The following FRYL variants were observed in gnomAD, a reference collection of about 807,000 sequenced individuals.
The protein encoded by FRYL is FRY like transcription coactivator, also known as protein furry homolog-like.
In FRYL, 150 loss-of-function variants were observed where a neutral mutation model predicts 351.2. The ratio of observed to expected loss-of-function variants is 0.43; its 90% CI spans 0.37 to 0.49. The LOEUF (loss-of-function observed/expected upper bound fraction) is 0.49. Ranked by LOEUF, FRYL falls within the 20% of genes least tolerant of loss-of-function variation. The probability of loss-of-function intolerance (pLI) is 0.00; values close to 1 mark genes in which losing one functional copy is unlikely to be tolerated. For missense variants in FRYL, 3,036 were observed against 3,619.3 expected (o/e 0.84, Z 4.13); for synonymous variants, 1,153 against 1,257.1 (o/e 0.92, Z 1.75).
Position 48,550,643 on chromosome 4 carries a change from G to C in FRYL, c.4582C>G (p.Leu1528Val). Residue 1528 changes from leucine to valine, a missense_variant, in exon 38 of 64, where the codon CTA (leucine) becomes GTA (valine). By Grantham distance (32) the Leu-to-Val change is conservative. Transcript: ENST00000358350. Reference protein sequence around the residue: ...NSHLNRQHHRLESRYSSSSGG... With the variant: ...NSHLNRQHHRVESRYSSSSGG... ...GAGCTGCTACTGTATCGGGATTCTAGTCTGTGATGTTGCCGATTCAAATGA... is the reference window on the plus strand; with the variant it reads ...GAGCTGCTACTGTATCGGGATTCTACTCTGTGATGTTGCCGATTCAAATGA... The C allele has an allele frequency of 1.2e-6, 2 of 1,613,956 alleles. No homozygotes were observed. The highest frequency in any genetic ancestry group is 1.7e-6 in the Non-Finnish European group (2 of 1,179,896).
At chr4:48,696,845 G>GACCTATCT (rs1553981641) in intron 2 of FRYL, among the ~76,000 whole-genome samples, 1 of 144,542 alleles carries the variant, frequency 6.9e-6, no homozygotes, top group African/African-American at 2.5e-5. Context: ...AACGATAAGA[G>GACCTATCT]ATCTATCTAT....
chr4:48,549,830 T>G lies in FRYL; in HGVS notation c.4634-207A>C, dbSNP rs1160288252. On this transcript the variant is annotated intron_variant, in intron 38 of 63. Transcript: ENST00000358350. The surrounding 1 kb of genome is among the most constrained non-coding windows in gnomAD (Gnocchi z 4.2). ...GAGGGAGAGAGAGAAAGAGATTAAT[T>G]TAGGTTCCACCCTGTACGTCAAAGC... is the stretch of plus-strand genomic sequence containing the variant. Among the ~76,000 whole-genome samples the G allele has an allele frequency of 2.6e-5, 4 of 152,142 alleles. No individual in the cohort carries two copies. The highest frequency in any genetic ancestry group is 9.7e-5 in the African/African-American group (4 of 41,428).
intron 1 of FRYL, among the ~76,000 whole-genome samples, chr4:48,747,801 C>T (rs547563880): frequency 6.6e-6 from 1 of 152,246 alleles, no homozygotes; most frequent in African/African-American, 2.4e-5. Flanking sequence ...AAAGAAATGG[C>T]CACAATCTCA....
At chr4:48,743,342 G>A (rs1772325328) in intron 1 of FRYL, among the ~76,000 whole-genome samples, 1 of 152,000 alleles carries the variant, frequency 6.6e-6, no homozygotes, top group Non-Finnish European at 1.5e-5. Flanking sequence ...TAAGTTCAAA[G>A]AGGCTTAGAG....
At chr4:48,646,969 G>A (rs1247801606) in intron 3 of FRYL, among the ~76,000 whole-genome samples, 4 of 152,248 alleles carry the variant, frequency 2.6e-5, no homozygotes, top group African/African-American at 9.6e-5. Flanking sequence ...TAGACACACG[G>A]CTAGGGAGGT....
rs746979405 is a variant in FRYL, at chr4:48,535,787, G to C, written c.6434C>G (p.Ala2145Gly). Residue 2145 changes from alanine (A) to glycine (G), a missense_variant, in exon 48 of 64, where the codon GCA (alanine) becomes GGA (glycine). Physicochemically the swap from Ala to Gly is moderately conservative, Grantham distance 60. This residue lies in a region of FRYL where 1,987 missense variants were observed against 2,311.7 expected (regional missense o/e 0.86). Transcript: ENST00000358350. ...EEKCPTLVNL[A>G]HMMSLYSTHT... ...TGTACTGTACAAACTCATCATGTGTGCCAGATTGACAAGTGTTGGGCATTT... is the reference window on the plus strand; with the variant it reads ...TGTACTGTACAAACTCATCATGTGTCCCAGATTGACAAGTGTTGGGCATTT... 4.6e-5 allele frequency: 72 copies of C among 1,568,104 alleles called. No individual in the cohort carries two copies. The highest frequency in any genetic ancestry group is 6.2e-5 in the Non-Finnish European group (72 of 1,153,930).
chr4:48,564,017 C>T lies in FRYL; in HGVS notation c.3527G>A (p.Arg1176His), dbSNP rs752178679. Residue 1176 changes from arginine to histidine, a missense_variant, in exon 31 of 64, where the codon CGC (arginine) becomes CAC (histidine). Physicochemically the swap from Arg to His is conservative, Grantham distance 29. Around this residue, in one of 7 missense-constraint regions of FRYL, gnomAD observed 1,987 missense variants for 2,311.7 expected, o/e 0.86. Coordinates refer to ENST00000358350, the MANE Select transcript of FRYL (RefSeq NM_015030.2). Reference protein sequence around the residue: ...QSNLMYWAVDRCYTGSGRVAA... With the variant: ...QSNLMYWAVDHCYTGSGRVAA... Reference sequence around the variant, plus strand: ...CACCCTCCCGGAGCCCGTGTAGCAGCGGTCCACAGCCCAGTACATCAGGTT... The same window carrying T: ...CACCCTCCCGGAGCCCGTGTAGCAGTGGTCCACAGCCCAGTACATCAGGTT... The T allele has an allele frequency of 1.1e-5, 18 of 1,614,064 alleles. No homozygotes were observed. Among genetic ancestry groups the T allele is most frequent in the East Asian group, 2.2e-5 (1 of 44,898 alleles).
chr4:48,547,877 G>T (rs1731707670), intron 40 of FRYL, 108 bp from the exon 41 acceptor site: 1 of 714,972 alleles, frequency 1.4e-6, no homozygotes. Context: ...AGATTTCATG[G>T]AAGGTGACAT....
chr4:48,654,117 T>C (rs1403148538), intron 3 of FRYL, among the ~76,000 whole-genome samples: 1 of 152,136 alleles, frequency 6.6e-6, no homozygotes, highest in African/African-American at 2.4e-5. Context: ...ATGTTACTGT[T>C]ACCAGTTTTG....
chr4:48,527,861 TTAATACCGTAAG>T, intron 52 of FRYL, 98 bp downstream of exon 52: 1 of 1,031,390 alleles, frequency 9.7e-7, no homozygotes, highest in Non-Finnish European at 1.4e-6. Flanking sequence ...TCATTCTGAG[TTAATACCGTAAG>T]TAAGGTAAAT....
At chr4:48,575,527 T>A (rs1161679996) in intron 24 of FRYL, among the ~76,000 whole-genome samples, 1 of 152,212 alleles carries the variant, frequency 6.6e-6, no homozygotes, top group Non-Finnish European at 1.5e-5. Flanking sequence ...TACCTTTTGG[T>A]CCATGAACAT....
intron 7 of FRYL, among the ~76,000 whole-genome samples, chr4:48,615,749 T>G (rs1183342774): frequency 6.6e-6 from 1 of 152,200 alleles, no homozygotes; most frequent in East Asian, 1.9e-4. Context: ...ATGAAAAGTT[T>G]CATTCAATTT....
At chr4:48,575,959 A>C (rs1739510818) in intron 24 of FRYL, 71 bp downstream of exon 24, 1 of 1,274,522 alleles carries the variant, frequency 7.8e-7, no homozygotes, top group Non-Finnish European at 1.1e-6. Context: ...CCATAAAAAG[A>C]AATTTTAAAA....
intron 2 of FRYL, among the ~76,000 whole-genome samples, chr4:48,694,284 G>C (rs961653036): frequency 6.6e-5 from 10 of 151,844 alleles, no homozygotes; most frequent in African/African-American, 2.4e-4. Context: ...ATTTAAAAAA[G>C]TATTTAAAAA....
At chr4:48,759,701 C>T (rs749052026) in intron 1 of FRYL, among the ~76,000 whole-genome samples, 11 of 152,154 alleles carry the variant, frequency 7.2e-5, no homozygotes, top group Non-Finnish European at 1.2e-4. Context: ...CCTTCCGCCT[C>T]GGCCTCCCAA....
At chr4:48,639,288 G>A (rs569048181) in intron 3 of FRYL, among the ~76,000 whole-genome samples, 88 of 152,098 alleles carry the variant, frequency 5.8e-4, no homozygotes, top group Middle Eastern at 3.4e-3. Flanking sequence ...CTGACAGGAC[G>A]TGACTTCAAA....
chr4:48,550,340 G>T (rs1399175415), intron 38 of FRYL, among the ~76,000 whole-genome samples: 1 of 152,148 alleles, frequency 6.6e-6, no homozygotes. Context: ...TTTGTTCTAT[G>T]ATGCTTCCTG....
At chr4:48,705,816 A>C (rs1287895937) in intron 2 of FRYL, among the ~76,000 whole-genome samples, 2 of 152,038 alleles carry the variant, frequency 1.3e-5, no homozygotes, top group Non-Finnish European at 2.9e-5. Flanking sequence ...CCTGGTATTC[A>C]CACCCTTAAG....
At chr4:48,740,709 A>G (rs1231007196) in intron 1 of FRYL, among the ~76,000 whole-genome samples, 5 of 152,208 alleles carry the variant, frequency 3.3e-5, no homozygotes, top group Non-Finnish European at 5.9e-5. Context: ...AATTAAAACC[A>G]CAATGAAATA....
Sources: allele counts gnomAD v4.1 joint callset (sites outside exome capture counted in the v4.1 genomes callset), GRCh38; gene constraint gnomAD v4.1.1; regional missense constraint gnomAD v4.1.1; non-coding constraint Gnocchi (gnomAD v3.1); transcripts MANE v1.5; gene names NCBI Gene and HGNC (gene_info 2026-07-23, HGNC 2026-07-21).